Variants in CNTN4 observed in about 807,000 individuals in gnomAD.
CNTN4 encodes contactin-4.
A neutral mutation model predicts 122.5 loss-of-function variants in CNTN4; 77 were observed. That is an observed-to-expected ratio of 0.63 (90% CI 0.52 to 0.76). The LOEUF (loss-of-function observed/expected upper bound fraction) is 0.76, where lower values mean the gene tolerates loss of function less well. CNTN4 is among the 30% of genes least tolerant of loss of function. CNTN4 has a pLI of 0.00. For missense variants in CNTN4, 1,256 were observed against 1,259.1 expected (o/e 1.00, Z 0.04); for synonymous variants, 512 against 447.0 (o/e 1.15, Z -1.83).
chr3:2,954,524 C>T (rs1302803045), intron 13 of CNTN4, among the ~76,000 whole-genome samples: 1 of 151,894 alleles, frequency 6.6e-6, no homozygotes, highest in Non-Finnish European at 1.5e-5. Flanking sequence ...ATTCAGTCCA[C>T]AGAGAATCCT....
chr3:2,882,643 A>G (rs1243465050), intron 8 of CNTN4: 1 of 163,372 alleles, frequency 6.1e-6, no homozygotes, highest in Non-Finnish European at 1.3e-5. Flanking sequence ...GAATATACTA[A>G]TTTATGATTC....
chr3:2,182,828 A>G (rs1231224946), intron 2 of CNTN4, among the ~76,000 whole-genome samples: 2 of 149,434 alleles, frequency 1.3e-5, no homozygotes, highest in South Asian at 2.1e-4. Context: ...AACTCAGCAC[A>G]GGTTTTTTTT....
intron 2 of CNTN4, among the ~76,000 whole-genome samples, chr3:2,231,039 T>G (rs1361092675): frequency 3.3e-5 from 5 of 152,140 alleles, no homozygotes; most frequent in Admixed American, 3.3e-4. Flanking sequence ...AAATATAATT[T>G]AAACTTTTTT....
At chr3:2,659,594 T>A (rs2083777076) in intron 4 of CNTN4, among the ~76,000 whole-genome samples, 1 of 152,126 alleles carries the variant, frequency 6.6e-6, no homozygotes. Context: ...TAAAGATCAG[T>A]GAATTCTAAC....
At chr3:2,907,103 G>C (rs1049584657) in intron 12 of CNTN4, among the ~76,000 whole-genome samples, 1 of 152,156 alleles carries the variant, frequency 6.6e-6, no homozygotes, top group Non-Finnish European at 1.5e-5. Context: ...ATTAATATTG[G>C]TTAACTTGGG....
intron 2 of CNTN4, among the ~76,000 whole-genome samples, chr3:2,113,009 T>C (rs1214586623): frequency 6.6e-6 from 1 of 152,198 alleles, no homozygotes; most frequent in African/African-American, 2.4e-5. Flanking sequence ...CAAGTATTCA[T>C]GGAAGGCCTA....
At chr3:3,006,585 C>T (rs575980764) in intron 14 of CNTN4, among the ~76,000 whole-genome samples, 1 of 152,212 alleles carries the variant, frequency 6.6e-6, no homozygotes, top group East Asian at 1.9e-4. Flanking sequence ...TTTACTATAC[C>T]TTATTGTCTC....
At chr3:2,235,375 G>T (rs1156936597) in intron 2 of CNTN4, among the ~76,000 whole-genome samples, 1 of 152,124 alleles carries the variant, frequency 6.6e-6, no homozygotes, top group Non-Finnish European at 1.5e-5. Context: ...ATCTATCCAG[G>T]AAAGGAATAT....
intron 3 of CNTN4, among the ~76,000 whole-genome samples, chr3:2,480,812 G>A (rs1368301803): frequency 1.3e-5 from 2 of 152,140 alleles, no homozygotes; most frequent in Non-Finnish European, 2.9e-5. Flanking sequence ...GAAGAACAAA[G>A]TAGTCAATTG....
Position 2,146,490 on chromosome 3 carries a change from T to A in CNTN4, c.-145+45851T>A, listed in dbSNP as rs555699930. On this transcript the variant is annotated intron_variant, in intron 2 of 24. Transcript: ENST00000418658. Reference sequence around the variant, plus strand: ...TATTGTTCCAGTAAATGCACACATATAAACACATATATATGAAATTGATAC... The same window carrying A: ...TATTGTTCCAGTAAATGCACACATAAAAACACATATATATGAAATTGATAC... Among the ~76,000 whole-genome samples, 5 of 152,278 alleles carry A rather than the reference T, an allele frequency of 3.3e-5. No homozygotes were observed. In the South Asian group the frequency reaches 1.0e-3, roughly 32 times the overall value.
intron 9 of CNTN4, among the ~76,000 whole-genome samples, chr3:2,884,603 A>G (rs1047067750): frequency 6.6e-6 from 1 of 152,206 alleles, no homozygotes; most frequent in East Asian, 1.9e-4. Flanking sequence ...GGATAATATG[A>G]TTACACTTTT....
rs147909633 is a variant in CNTN4, at chr3:3,046,865, T to A, written c.2811+3161T>A. On this transcript the variant is annotated intron_variant, in intron 23 of 24. Coordinates refer to ENST00000418658, the MANE Select transcript of CNTN4 (RefSeq NM_175607.3). ...ATAGAGTCAAGACCCATCAGTGTGC[T>A]GTATTCAGGAAACCTGTCTCACGTG... Among the ~76,000 whole-genome samples, 401 of 140,752 alleles carry A rather than the reference T, an allele frequency of 2.8e-3. 22 individuals carry two copies. Among genetic ancestry groups the A allele is most frequent in the African/African-American group, 0.01 (384 of 36,990 alleles). 92.3% of individuals were successfully genotyped at this position (140,752 alleles called of 152,430 possible). A position where few individuals can be genotyped will look rare whatever the true frequency, so the allele number is the denominator to read the frequency against.
At chr3:2,902,060 G>C (rs974423659) in intron 11 of CNTN4, among the ~76,000 whole-genome samples, 1 of 152,148 alleles carries the variant, frequency 6.6e-6, no homozygotes, top group African/African-American at 2.4e-5. Context: ...GTTTCTTAAT[G>C]TGAGGGAACA....
At position 2,451,742 on chromosome 3, in the gene CNTN4, C is replaced by G. The variant is rs182507415; in HGVS notation, c.-89+112509C>G. 2.3e-3 allele frequency among the ~76,000 whole-genome samples: 344 copies of G among 152,098 alleles called. 1 individual carries two copies. The highest frequency in any genetic ancestry group is 3.4e-3 in the Non-Finnish European group (228 of 67,998). On this transcript the variant is annotated intron_variant, in intron 3 of 24. Transcript: ENST00000418658. ...GAAGTAAGTATTCCATTTTCATGGTCCCTTCATTATTGTATCCTGATTATA... is the reference window on the plus strand; with the variant it reads ...GAAGTAAGTATTCCATTTTCATGGTGCCTTCATTATTGTATCCTGATTATA...
intron 3 of CNTN4, among the ~76,000 whole-genome samples, chr3:2,361,451 G>A (rs2150547035): frequency 6.6e-6 from 1 of 152,262 alleles, no homozygotes; most frequent in African/African-American, 2.4e-5. Context: ...AAGATGGCCT[G>A]TACAAGAAAG....
intron 2 of CNTN4, among the ~76,000 whole-genome samples, chr3:2,286,242 C>CT (rs202109489): frequency 7.2e-6 from 1 of 139,382 alleles, no homozygotes; most frequent in Non-Finnish European, 1.6e-5. Context: ...CCCTGCCCCC[C>CT]CCACAACATA....
At chr3:2,715,836 A>C (rs115270526) in intron 4 of CNTN4, among the ~76,000 whole-genome samples, 6,054 of 152,256 alleles carry the variant, frequency 0.04, 166 homozygotes, top group Non-Finnish European at 0.058. Context: ...GGCCTCATTT[A>C]ACCTTAATTA....
chr3:2,873,369 A>T (rs866726648), intron 8 of CNTN4, among the ~76,000 whole-genome samples: 11 of 152,214 alleles, frequency 7.2e-5, no homozygotes, highest in Non-Finnish European at 1.5e-4. Flanking sequence ...TTTCTCATCA[A>T]TGCTGACAGC....
chr3:2,784,012 G>A (rs571951722), intron 6 of CNTN4, among the ~76,000 whole-genome samples: 2 of 152,132 alleles, frequency 1.3e-5, no homozygotes, highest in African/African-American at 2.4e-5. Context: ...GTGTATATTT[G>A]TCAGGGAATA....
Sources: allele counts gnomAD v4.1 joint callset (sites outside exome capture counted in the v4.1 genomes callset), GRCh38; gene constraint gnomAD v4.1.1; transcripts MANE v1.5; gene names NCBI Gene and HGNC (gene_info 2026-07-23, HGNC 2026-07-21).